The following RUNX1 variants were observed in gnomAD, a reference collection of about 807,000 sequenced individuals.
RUNX1 encodes the protein RUNX family transcription factor 1, also known as runt-related transcription factor 1.
RUNX1 carries 19 observed loss-of-function variants against 42.8 expected under a neutral mutation model. The observed-to-expected ratio is 0.44, with a 90% CI of 0.31 to 0.65. The LOEUF (loss-of-function observed/expected upper bound fraction) is 0.65, where lower values mean the gene tolerates loss of function less well. RUNX1 is among the 30% of genes least tolerant of loss of function. RUNX1 has a pLI of 0.07. For synonymous variants in RUNX1, 271 were observed against 289.4 expected (o/e 0.94, Z 0.64); for missense variants, 528 against 672.0 (o/e 0.79, Z 2.37).
chr21:35,039,448 T>A (rs986590518), intron 2 of RUNX1, among the ~76,000 whole-genome samples: 13 of 152,140 alleles, frequency 8.5e-5, no homozygotes, highest in Non-Finnish European at 1.5e-4. Context: ...TTATAGATTT[T>A]AAAAAATAAA....
intron 2 of RUNX1, among the ~76,000 whole-genome samples, chr21:35,005,093 T>A (rs78571420): frequency 0.042 from 6,327 of 152,280 alleles, 167 homozygotes; most frequent in African/African-American, 0.064. Context: ...CATAGGTAGA[T>A]TTTATTGATG....
chr21:34,970,803 T>G (rs772888648), intron 2 of RUNX1, among the ~76,000 whole-genome samples: 17 of 152,148 alleles, frequency 1.1e-4, no homozygotes, highest in Non-Finnish European at 1.8e-4. Flanking sequence ...AGGTTAACAG[T>G]TGGTCAATCT....
chr21:34,863,096 T>G (rs1235621218), intron 5 of RUNX1, among the ~76,000 whole-genome samples: 1 of 152,212 alleles, frequency 6.6e-6, no homozygotes, highest in Admixed American at 6.5e-5. Flanking sequence ...TGGATTTTAT[T>G]GTTCTTGATG....
intron 4 of RUNX1, among the ~76,000 whole-genome samples, chr21:34,883,400 C>T (rs191368955): frequency 1.5e-4 from 23 of 152,058 alleles, no homozygotes; most frequent in African/African-American, 3.9e-4. Flanking sequence ...TGTATATCGT[C>T]CAATTGTTAA....
At position 34,846,103 on chromosome 21, in the gene RUNX1, GA is replaced by G. The variant is rs1410388948; in HGVS notation, c.614-11503del. Among the ~76,000 whole-genome samples, 3 of 151,566 alleles carry G rather than the reference GA, an allele frequency of 2.0e-5. No homozygotes were observed. The South Asian group carries it at 6.3e-4, about 32-fold the overall frequency. ...CACCATCTTTTTTTAGTTGGCTGAG[GA>G]ATTAACACCAAGGTCTCTGACCAGC... On this transcript the variant is annotated intron_variant, in intron 6 of 8. Coordinates refer to ENST00000675419, the MANE Select transcript of RUNX1 (RefSeq NM_001754.5).
intron 2 of RUNX1, among the ~76,000 whole-genome samples, chr21:34,997,708 T>C (rs901926977): frequency 2.0e-5 from 3 of 152,222 alleles, no homozygotes; most frequent in Non-Finnish European, 4.4e-5. Context: ...TTCCTAGGTC[T>C]ATCTTAAATT....
rs59950735 is a variant in RUNX1 at position 34,874,610 on chromosome 21, C to CAAAAAAAAAAAAAA, written c.508+5933_508+5946dup. On this transcript the variant is annotated intron_variant, in intron 5 of 8. Coordinates refer to ENST00000675419, the MANE Select transcript of RUNX1 (RefSeq NM_001754.5). Reference sequence around the variant, plus strand: ...AGGCAACAAGAGGGAAACTCTGTCTCAAAAAAAAAAAAAAAAAAAAAAAAA... The same window carrying CAAAAAAAAAAAAAA: ...AGGCAACAAGAGGGAAACTCTGTCTCAAAAAAAAAAAAAAAAAAAAAAAAAAAAAAAAAAAAAAA... Among the ~76,000 whole-genome samples, 5 of 25,300 alleles carry CAAAAAAAAAAAAAA rather than the reference C, an allele frequency of 2.0e-4. 1 individual carries two copies. Among genetic ancestry groups the CAAAAAAAAAAAAAA allele is most frequent in the East Asian group, 1.3e-3 (1 of 784 alleles). The allele number at this position is 25,300 out of a possible 152,430, so 16.6% of individuals were successfully genotyped here.
intron 2 of RUNX1, among the ~76,000 whole-genome samples, chr21:34,947,935 G>T (rs77730926): frequency 6.6e-6 from 1 of 152,062 alleles, no homozygotes; most frequent in South Asian, 2.1e-4. Flanking sequence ...TCAGTCCTCC[G>T]AGGACATTTC....
chr21:34,911,623 C>T (rs1301959952), intron 2 of RUNX1, among the ~76,000 whole-genome samples: 5 of 152,174 alleles, frequency 3.3e-5, no homozygotes, highest in African/African-American at 1.2e-4. Flanking sequence ...AGTAAAGCAG[C>T]CAGAGAGTGA....
chr21:34,849,253 C>CAT (rs575459936), intron 6 of RUNX1, among the ~76,000 whole-genome samples: 2,625 of 56,744 alleles, frequency 0.046, 110 homozygotes, highest in South Asian at 0.078. Context: ...GCTTTGGGTA[C>CAT]ATATATATAT....
At chr21:34,836,967 G>A (rs1167828129) in intron 6 of RUNX1, among the ~76,000 whole-genome samples, 1 of 152,170 alleles carries the variant, frequency 6.6e-6, no homozygotes, top group African/African-American at 2.4e-5. Flanking sequence ...CCTGTGGTCA[G>A]GCACAACGTG....
intron 2 of RUNX1, among the ~76,000 whole-genome samples, chr21:34,952,854 G>A (rs2058618677): frequency 6.6e-6 from 1 of 152,094 alleles, no homozygotes; most frequent in Non-Finnish European, 1.5e-5. Flanking sequence ...AGGTATGTAG[G>A]TCTTTTTATC....
At chr21:34,975,263 G>A (rs1201136805) in intron 2 of RUNX1, among the ~76,000 whole-genome samples, 1 of 152,282 alleles carries the variant, frequency 6.6e-6, no homozygotes, top group East Asian at 1.9e-4. Flanking sequence ...ATACATATTT[G>A]GCTTCATAAA....
chr21:34,964,556 A>T (rs2834696), intron 2 of RUNX1, among the ~76,000 whole-genome samples: 81,651 of 151,308 alleles, frequency 0.54, 22,384 homozygotes, highest in African/African-American at 0.63. Context: ...TTTTGGCATG[A>T]AAGGACATTT....
intron 2 of RUNX1, among the ~76,000 whole-genome samples, chr21:34,956,619 C>T (rs1201908373): frequency 2.0e-5 from 3 of 152,158 alleles, no homozygotes; most frequent in Non-Finnish European, 4.4e-5. Flanking sequence ...TTTGATGTCA[C>T]GCCCTAGATA....
intron 7 of RUNX1, among the ~76,000 whole-genome samples, chr21:34,814,316 G>A (rs1424367319): frequency 1.3e-5 from 2 of 152,130 alleles, no homozygotes; most frequent in South Asian, 4.2e-4. Context: ...GTGTTTTGAG[G>A]TGGTCGTGGG....
intron 3 of RUNX1, 164 bp from the exon 4 acceptor site, chr21:34,887,260 G>A: frequency 1.3e-6 from 1 of 771,782 alleles, no homozygotes; most frequent in Non-Finnish European, 1.6e-6. Flanking sequence ...GGCGGGGGTG[G>A]TTAGGGGAGG....
At chr21:34,889,632 C>G in intron 3 of RUNX1, 1 of 1,091,368 alleles carries the variant, frequency 9.2e-7, no homozygotes, top group Non-Finnish European at 1.1e-6. Flanking sequence ...CCCCGCTCCT[C>G]TCCCCGCCCC....
intron 2 of RUNX1, among the ~76,000 whole-genome samples, chr21:35,020,477 CAAAG>C (rs1379318050): frequency 6.6e-6 from 1 of 152,046 alleles, no homozygotes; most frequent in African/African-American, 2.4e-5. Context: ...ATTGAGAAGG[CAAAG>C]CAAGCAGAGG....
Sources: allele counts gnomAD v4.1 joint callset (sites outside exome capture counted in the v4.1 genomes callset), GRCh38; gene constraint gnomAD v4.1.1; transcripts MANE v1.5; gene names NCBI Gene and HGNC (gene_info 2026-07-23, HGNC 2026-07-21).